PACRG: variants seen among roughly 807,000 people sequenced by gnomAD.
PACRG encodes parkin coregulated gene protein.
A neutral mutation model predicts 29.7 loss-of-function variants in PACRG; 29 were observed. That is an observed-to-expected ratio of 0.98 (90% CI 0.73 to 1.33). PACRG has a LOEUF of 1.33. Ranked by LOEUF, PACRG falls within the 40% of genes most tolerant of loss-of-function variation. The pLI, the probability that PACRG is intolerant of heterozygous loss-of-function variation, is 0.00. For synonymous variants in PACRG, 116 were observed against 118.7 expected, an observed-to-expected ratio of 0.98 and a Z score of 0.15; for missense variants, 279 against 316.2, an observed-to-expected ratio of 0.88 and a Z score of 0.89.
chr6:163,272,909 T>TTTTTTTTTTTTA (rs1783890312), intron 4 of PACRG, among the ~76,000 whole-genome samples: 1 of 132,380 alleles, frequency 7.6e-6, no homozygotes, highest in African/African-American at 3.2e-5. Context: ...TTTTTTTTTT[T>TTTTTTTTTTTTA]GAGACGGAGT....
In PACRG at chr6:162,820,211, A is replaced by G. The variant is rs190030449; in HGVS notation, c.291+5930A>G. ...ATTAGATGCATAAATCAGCCTTTAT[A>G]ATTTCCACTGATGGTGTCTCAGACA... On this transcript the variant is annotated intron_variant, in intron 2 of 4. Coordinates refer to ENST00000366888, the MANE Select transcript of PACRG (RefSeq NM_001080379.2). Among the ~76,000 whole-genome samples, 417 of 152,310 alleles carry G rather than the reference A, an allele frequency of 2.7e-3. 1 individual carries two copies. The highest frequency in any genetic ancestry group is 9.5e-3 in the African/African-American group (397 of 41,574).
At chr6:162,910,594 A>G (rs1289572729) in intron 2 of PACRG, among the ~76,000 whole-genome samples, 1 of 152,222 alleles carries the variant, frequency 6.6e-6, no homozygotes, top group Non-Finnish European at 1.5e-5. Context: ...AAACCTTTCT[A>G]TTTGTGTAGA....
intron 2 of PACRG, among the ~76,000 whole-genome samples, chr6:162,879,016 T>C (rs1793606578): frequency 6.6e-6 from 1 of 152,214 alleles, no homozygotes; most frequent in South Asian, 2.1e-4. Context: ...TGTATTGTAA[T>C]TGCATACAAA....
chr6:162,856,841 TC>T (rs1316019268), intron 2 of PACRG, among the ~76,000 whole-genome samples: 4 of 152,296 alleles, frequency 2.6e-5, no homozygotes, highest in African/African-American at 9.6e-5. Context: ...GAAGCTTATT[TC>T]CCCCTGAATT....
chr6:162,739,932 A>G (rs1169458358), intron 1 of PACRG, among the ~76,000 whole-genome samples: 1 of 150,746 alleles, frequency 6.6e-6, no homozygotes, highest in Non-Finnish European at 1.5e-5. Context: ...TTTTATTCTT[A>G]TAATGTTCAC....
chr6:163,191,155 C>A (rs954249563), intron 4 of PACRG, among the ~76,000 whole-genome samples: 1 of 152,148 alleles, frequency 6.6e-6, no homozygotes, highest in African/African-American at 2.4e-5. Context: ...AATATGAGCA[C>A]CTTTTCCTAA....
chr6:162,942,597 G>T (rs1477951266), intron 2 of PACRG, among the ~76,000 whole-genome samples: 1 of 152,110 alleles, frequency 6.6e-6, no homozygotes, highest in East Asian at 1.9e-4. Flanking sequence ...CAGTTCTTTG[G>T]AACTGGACGG....
chr6:162,935,699 C>T (rs1798187671), intron 2 of PACRG, among the ~76,000 whole-genome samples: 1 of 151,966 alleles, frequency 6.6e-6, no homozygotes, highest in African/African-American at 2.4e-5. Flanking sequence ...TTTCTTTTCA[C>T]TGTTACTGGA....
At chr6:162,928,428 T>A (rs562052533) in intron 2 of PACRG, among the ~76,000 whole-genome samples, 116 of 152,102 alleles carry the variant, frequency 7.6e-4, no homozygotes, top group African/African-American at 2.7e-3. Flanking sequence ...TAGCTAATGG[T>A]TTTTTTCATA....
Position 163,055,263 on chromosome 6 carries a change from A to G in PACRG, c.292-6887A>G, listed in dbSNP as rs1810460459. ...TGTGGAAATGGAGCAGTGGCTTTTC[A>G]GAAAAAGTACTTAAAGAGAAGTCAG... On this transcript the variant is annotated intron_variant, in intron 2 of 4. Transcript: ENST00000366888. This position sits in a 1 kb window ranked among gnomAD's most constrained non-coding sequence, Gnocchi z 4.0. 6.6e-6 allele frequency among the ~76,000 whole-genome samples: 1 copy of G among 152,194 alleles called. No homozygotes were observed. Among genetic ancestry groups the G allele is most frequent in the Admixed American group, 6.5e-5 (1 of 15,280 alleles).
chr6:162,889,511 G>C (rs1794605935), intron 2 of PACRG, among the ~76,000 whole-genome samples: 1 of 152,154 alleles, frequency 6.6e-6, no homozygotes, highest in Non-Finnish European at 1.5e-5. Flanking sequence ...AAGTAGATTT[G>C]TTTACTGTCT....
chr6:162,914,902 AG>A (rs1191892874), intron 2 of PACRG, among the ~76,000 whole-genome samples: 4 of 152,070 alleles, frequency 2.6e-5, no homozygotes, highest in Non-Finnish European at 4.4e-5. Context: ...TGCATCTTGC[AG>A]ATTATATATT....
intron 2 of PACRG, among the ~76,000 whole-genome samples, chr6:162,885,758 G>A (rs549811418): frequency 3.1e-4 from 47 of 151,844 alleles, no homozygotes; most frequent in Non-Finnish European, 5.1e-4. Context: ...GTGTGTGTGC[G>A]TGCACACGTG....
chr6:163,161,996 G>C lies in PACRG; in HGVS notation c.613+72588G>C, dbSNP rs145668207. ...GGAACAGACTGATACATACCTGCCA[G>C]AGAACAGATACTGAGGAGTCAAATA... On this transcript the variant is annotated intron_variant, in intron 4 of 4. Coordinates refer to ENST00000366888, the MANE Select transcript of PACRG (RefSeq NM_001080379.2). Among the ~76,000 whole-genome samples, 283 of 152,342 alleles carry C rather than the reference G, an allele frequency of 1.9e-3. 4 individuals carry two copies. Among genetic ancestry groups the C allele is most frequent in the African/African-American group, 6.4e-3 (267 of 41,570 alleles).
intron 2 of PACRG, among the ~76,000 whole-genome samples, chr6:163,035,753 G>A (rs183431760): frequency 6.7e-6 from 1 of 149,704 alleles, no homozygotes; most frequent in East Asian, 2.0e-4. Flanking sequence ...GGGAGGTGGA[G>A]GTGAGCCGAG....
rs60664405 is a variant in PACRG, at chr6:162,791,311, GT to G, written c.157-22822del. On this transcript the variant is annotated intron_variant, in intron 1 of 4. Coordinates refer to ENST00000366888, the MANE Select transcript of PACRG (RefSeq NM_001080379.2). The stretch of plus-strand genomic sequence containing the variant: ...ACTCTGACTCCTAGTTTGTTTGTTT[GT>G]TTTTTTTTTTTTTGCTTTGCGCTAA... Among the ~76,000 whole-genome samples the G allele has an allele frequency of 8.2e-4, 106 of 128,776 alleles. 1 individual carries two copies. The highest frequency in any genetic ancestry group is 4.3e-3 in the Middle Eastern group (1 of 232). The allele number at this position is 128,776 out of a possible 152,430, so 84.5% of individuals were successfully genotyped here.
Position 162,882,651 on chromosome 6 carries a change from G to A in PACRG, c.291+68370G>A, listed in dbSNP as rs1254494718. Among the ~76,000 whole-genome samples the A allele has an allele frequency of 2.6e-5, 4 of 152,138 alleles. No homozygotes were observed. The South Asian group carries it at 8.3e-4, about 31-fold the overall frequency. On this transcript the variant is annotated intron_variant, in intron 2 of 4. Transcript: ENST00000366888. ...AGGAGTAGGCAAGCTGGGTTCTGAT[G>A]AGACTCGACTCTGAACATCACACCT...
chr6:162,802,034 T>C (rs936242242), intron 1 of PACRG, among the ~76,000 whole-genome samples: 20 of 152,330 alleles, frequency 1.3e-4, no homozygotes, highest in Admixed American at 6.5e-4. Context: ...CATTTTCTAA[T>C]GAAAAGGAAC....
Position 163,004,617 on chromosome 6 carries a change from TA to T in PACRG, c.292-57532del, listed in dbSNP as rs551096236. On this transcript the variant is annotated intron_variant, in intron 2 of 4. Transcript: ENST00000366888. The stretch of plus-strand genomic sequence containing the variant: ...GATCTCTCCCTTGACATGTGGGGAT[TA>T]TGGGGACTATGAGCATTACAATTCA... Among the ~76,000 whole-genome samples, 28 of 151,590 alleles carry T rather than the reference TA, an allele frequency of 1.8e-4. No homozygotes were observed. In the East Asian group the frequency reaches 5.1e-3, roughly 28 times the overall value.
Sources: gnomAD v4.1 joint callset for allele counts (sites outside exome capture counted in the v4.1 genomes callset) on GRCh38, gnomAD v4.1.1 for gene constraint, Gnocchi (gnomAD v3.1) non-coding constraint, MANE v1.5 for transcripts, NCBI Gene and HGNC (gene_info 2026-07-23, HGNC 2026-07-21) for gene names.